The following TDRD1 variants were observed in gnomAD, a reference collection of about 807,000 sequenced individuals.
TDRD1 encodes tudor domain containing 1, also known as tudor domain-containing protein 1.
A neutral mutation model predicts 140.6 loss-of-function variants in TDRD1; 37 were observed. The observed-to-expected ratio is 0.26, with a 90% CI of 0.20 to 0.35. TDRD1 has a LOEUF of 0.35. Among genes scored for constraint, TDRD1 ranks in the 10% least tolerant of loss-of-function variants. The pLI, the probability that TDRD1 is intolerant of heterozygous loss-of-function variation, is 1.00. For synonymous variants in TDRD1, 506 were observed against 475.7 expected (o/e 1.06, Z -0.83); for missense variants, 1,243 against 1,393.0 (o/e 0.89, Z 1.71).
chr10:114,188,235 C>G (rs2033688628), intron 2 of TDRD1, 79 bp downstream of exon 2: 3 of 1,257,714 alleles, frequency 2.4e-6, no homozygotes, highest in East Asian at 4.7e-5. Flanking sequence ...TAACCACACA[C>G]CAGTGGGCTA....
intron 4 of TDRD1, among the ~76,000 whole-genome samples, chr10:114,200,352 G>A (rs1485252173): frequency 6.6e-6 from 1 of 151,114 alleles, no homozygotes; most frequent in East Asian, 1.9e-4. Context: ...CAGACTGGTT[G>A]GTGGTTACTT....
exon 23 of TDRD1, chr10:114,227,181 C>T: frequency 2.5e-6 from 4 of 1,612,300 alleles, no homozygotes; most frequent in Non-Finnish European, 3.4e-6. Flanking sequence ...CAAAGAATGT[C>T]CATACAGTGT....
intron 16 of TDRD1, 98 bp downstream of exon 16, chr10:114,214,212 C>G (rs1386361859): frequency 2.1e-6 from 2 of 957,826 alleles, no homozygotes; most frequent in African/African-American, 1.6e-5. Context: ...GTACCTCTTT[C>G]CAAGAAGAGC....
At chr10:114,206,629 T>C (rs902537787) in intron 11 of TDRD1, among the ~76,000 whole-genome samples, 1 of 150,022 alleles carries the variant, frequency 6.7e-6, no homozygotes, top group Non-Finnish European at 1.5e-5. Flanking sequence ...TTTTTTTTTT[T>C]TGAGATGGAG....
chr10:114,227,763 A>C, intron 23 of TDRD1, 147 bp from the exon 24 acceptor site: 1 of 637,506 alleles, frequency 1.6e-6, no homozygotes, highest in Non-Finnish European at 2.7e-6. Context: ...GGTAGTAGAT[A>C]ATCTCAAAGC....
intron 11 of TDRD1, 92 bp downstream of exon 11, chr10:114,206,422 G>C: frequency 1.1e-6 from 1 of 938,472 alleles, no homozygotes; most frequent in Non-Finnish European, 1.6e-6. Context: ...GCACTGTTAA[G>C]ACTTGTTAAC....
chr10:114,220,928 G>A lies in TDRD1; in HGVS notation c.2770+85G>A, dbSNP rs2133155256. On this transcript the variant is annotated intron_variant, in intron 19 of 25. Coordinates refer to ENST00000251864, the Ensembl canonical transcript of TDRD1. ...GAAAAATTTTCCATCATAAATGACAGTTTTCCTGTAGAGATATGCTTTACG... is the reference window on the plus strand; with the variant it reads ...GAAAAATTTTCCATCATAAATGACAATTTTCCTGTAGAGATATGCTTTACG... 4 of 899,022 alleles carry A rather than the reference G, an allele frequency of 4.4e-6. No homozygotes were observed. The East Asian group carries it at 9.8e-5, about 22-fold the overall frequency. The allele number at this position is 899,022 out of a possible 1,614,324, so 55.7% of individuals were successfully genotyped here.
intron 3 of TDRD1, among the ~76,000 whole-genome samples, chr10:114,192,327 G>A (rs1315883818): frequency 1.1e-4 from 11 of 95,780 alleles, no homozygotes; most frequent in Middle Eastern, 8.3e-3. Flanking sequence ...TTTTTGAGAC[G>A]GAGTCTTGCT....
chr10:114,186,435 T>G (rs2033532307), intron 1 of TDRD1, among the ~76,000 whole-genome samples: 1 of 152,122 alleles, frequency 6.6e-6, no homozygotes. Flanking sequence ...GGCTAATTTT[T>G]TTGTATTTTT....
intron 21 of TDRD1, 40 bp downstream of exon 21, chr10:114,222,743 T>A: frequency 8.6e-7 from 1 of 1,167,432 alleles, no homozygotes; most frequent in South Asian, 1.3e-5. Context: ...GGAAGGTATT[T>A]AGTCTGTTTT....
intron 6 of TDRD1, among the ~76,000 whole-genome samples, 192 bp downstream of exon 6, chr10:114,202,490 G>A (rs1455712329): frequency 6.6e-6 from 1 of 152,098 alleles, no homozygotes. Flanking sequence ...CAAAAAGGAT[G>A]TGGCAGTATC....
At chr10:114,181,229 C>T (rs2033035430) in intron 1 of TDRD1, among the ~76,000 whole-genome samples, 1 of 152,148 alleles carries the variant, frequency 6.6e-6, no homozygotes, top group African/African-American at 2.4e-5. Context: ...TCTAGTTAAC[C>T]TTTTATGTTA....
exon 15 of TDRD1, chr10:114,213,392 C>G (rs185896232): frequency 6.2e-7 from 1 of 1,613,828 alleles, no homozygotes. Context: ...CTATTTGTCT[C>G]ATGAAAAAAC....
chr10:114,175,044 ACTGTT>A (rs1315760888), upstream of TDRD1, among the ~76,000 whole-genome samples: 3 of 152,358 alleles, frequency 2.0e-5, no homozygotes, highest in East Asian at 3.9e-4. Context: ...AAAACTTACT[ACTGTT>A]CTGTTAAGCG....
intron 4 of TDRD1, 146 bp downstream of exon 4, chr10:114,199,463 C>A: frequency 1.0e-6 from 1 of 981,366 alleles, no homozygotes; most frequent in Non-Finnish European, 1.4e-6. Context: ...CTGTCAGCAT[C>A]CTGCTGTTCC....
At chr10:114,178,216 GA>G (rs1463747946), upstream of TDRD1, among the ~76,000 whole-genome samples, 7 of 151,734 alleles carry the variant, frequency 4.6e-5, no homozygotes, top group South Asian at 2.1e-4. Context: ...ATCAACTAAA[GA>G]AAAAAAATCA....
chr10:114,175,872 T>C (rs2032684112), upstream of TDRD1, among the ~76,000 whole-genome samples: 1 of 152,112 alleles, frequency 6.6e-6, no homozygotes, highest in Admixed American at 6.6e-5. Flanking sequence ...CTTGGAAAGA[T>C]GCCAACAAGT....
intron 9 of TDRD1, among the ~76,000 whole-genome samples, 196 bp from the exon 10 acceptor site, chr10:114,204,526 A>C (rs2034975854): frequency 6.6e-6 from 1 of 152,236 alleles, no homozygotes; most frequent in Non-Finnish European, 1.5e-5. Flanking sequence ...TCCAGCTTCA[A>C]GTACCAAAAG....
At chr10:114,218,361 A>T in intron 17 of TDRD1, 53 bp from the exon 18 acceptor site, 4 of 1,267,240 alleles carry the variant, frequency 3.2e-6, no homozygotes, top group Non-Finnish European at 4.2e-6. Flanking sequence ...TAAGTATTTC[A>T]AGTGTCGATA....
Sources: gnomAD v4.1 joint callset for allele counts (sites outside exome capture counted in the v4.1 genomes callset) on GRCh38, gnomAD v4.1.1 for gene constraint, MANE v1.5 for transcripts, NCBI Gene and HGNC (gene_info 2026-07-23, HGNC 2026-07-21) for gene names.